The following MSH3 variants were observed in gnomAD, a reference collection of about 807,000 sequenced individuals.
MSH3 encodes mutS homolog 3.
A neutral mutation model predicts 123.3 loss-of-function variants in MSH3; 106 were observed. The ratio of observed to expected loss-of-function variants is 0.86; its 90% confidence interval spans 0.73 to 1.01. MSH3 has a LOEUF of 1.01. MSH3 is among the 50% of genes least tolerant of loss of function. The pLI is 0.00. For synonymous variants in MSH3, 515 were observed against 481.4 expected, an observed-to-expected ratio of 1.07 and a Z score of -0.91; for missense variants, 1,459 against 1,347.6, an observed-to-expected ratio of 1.08 and a Z score of -1.29.
At chr5:80,699,273 G>T (rs1750552886) in intron 8 of MSH3, among the ~76,000 whole-genome samples, 1 of 152,098 alleles carries the variant, frequency 6.6e-6, no homozygotes, top group South Asian at 2.1e-4. Flanking sequence ...AAGGGTTGTT[G>T]TAAGGCTGGG....
chr5:80,784,812 G>T (rs541220246), intron 17 of MSH3, among the ~76,000 whole-genome samples: 1 of 151,994 alleles, frequency 6.6e-6, no homozygotes, highest in Non-Finnish European at 1.5e-5. Flanking sequence ...TATTTGTTTT[G>T]ATGAACTTTA....
At chr5:80,873,001 A>C in intron 22 of MSH3, 115 bp from the exon 23 acceptor site, 1 of 939,606 alleles carries the variant, frequency 1.1e-6, no homozygotes, top group Non-Finnish European at 1.7e-6. Flanking sequence ...AAGTAGGAAC[A>C]GTGATTTCAG....
intron 8 of MSH3, among the ~76,000 whole-genome samples, chr5:80,719,248 G>C (rs1173067585): frequency 6.6e-6 from 1 of 151,856 alleles, no homozygotes; most frequent in Admixed American, 6.6e-5. Flanking sequence ...GGGTTTCATC[G>C]TGTTGGCCAG....
chr5:80,868,874 A>G (rs932718248), intron 22 of MSH3, among the ~76,000 whole-genome samples: 4 of 152,090 alleles, frequency 2.6e-5, no homozygotes, highest in Admixed American at 6.6e-5. Context: ...ATTTTGAAGC[A>G]GTGCTCCACT....
At chr5:80,858,904 G>C (rs1218773102) in intron 21 of MSH3, among the ~76,000 whole-genome samples, 1 of 151,968 alleles carries the variant, frequency 6.6e-6, no homozygotes, top group East Asian at 1.9e-4. Flanking sequence ...ATGCATACAT[G>C]TTAAGGATAT....
chr5:80,713,530 C>T (rs1750898014), intron 8 of MSH3, among the ~76,000 whole-genome samples: 2 of 152,240 alleles, frequency 1.3e-5, no homozygotes, highest in African/African-American at 4.8e-5. Context: ...TGTTCATGCT[C>T]CTCTCCATTC....
chr5:80,672,061 A>G (rs1179635886), intron 4 of MSH3, among the ~76,000 whole-genome samples, 183 bp from the exon 5 acceptor site: 2 of 152,184 alleles, frequency 1.3e-5, no homozygotes. Flanking sequence ...CCCAAAATAC[A>G]TTAAACCATA....
chr5:80,872,518 A>G (rs948116006), intron 22 of MSH3, among the ~76,000 whole-genome samples: 1 of 152,042 alleles, frequency 6.6e-6, no homozygotes, highest in Non-Finnish European at 1.5e-5. Flanking sequence ...TACTAAGATC[A>G]TTCTCATCCT....
At chr5:80,786,405 C>T (rs1428155613) in intron 17 of MSH3, among the ~76,000 whole-genome samples, 1 of 152,146 alleles carries the variant, frequency 6.6e-6, no homozygotes, top group Non-Finnish European at 1.5e-5. Flanking sequence ...TATGTAGTGG[C>T]TTCTTCGTAG....
chr5:80,875,053 T>C (rs1288418082), intron 23 of MSH3, among the ~76,000 whole-genome samples: 3 of 152,218 alleles, frequency 2.0e-5, no homozygotes, highest in African/African-American at 2.4e-5. Flanking sequence ...TGTTGGATGG[T>C]TACTGTGTGT....
chr5:80,685,109 T>C (rs991717473), intron 8 of MSH3, among the ~76,000 whole-genome samples: 8 of 152,108 alleles, frequency 5.3e-5, no homozygotes, highest in African/African-American at 1.4e-4. Flanking sequence ...TCAAGAGATA[T>C]TGGCCTCTAA....
chr5:80,839,713 C>A (rs762623945), intron 20 of MSH3, among the ~76,000 whole-genome samples: 3 of 152,240 alleles, frequency 2.0e-5, no homozygotes, highest in African/African-American at 4.8e-5. Context: ...TGATAGCCTT[C>A]TATATATATT....
At chr5:80,766,491 A>C (rs1430045610) in intron 13 of MSH3, among the ~76,000 whole-genome samples, 3 of 150,928 alleles carry the variant, frequency 2.0e-5, no homozygotes, top group Non-Finnish European at 4.4e-5. Context: ...ATCACAGGCG[A>C]GCGCCACCAC....
chr5:80,834,139 G>A (rs245382), intron 20 of MSH3, among the ~76,000 whole-genome samples: 130,125 of 151,636 alleles, frequency 0.86, 55,930 homozygotes, highest in East Asian at 1. Context: ...TACTACATCC[G>A]TACCATCAGG....
intron 3 of MSH3, among the ~76,000 whole-genome samples, chr5:80,668,706 A>T (rs1749625495): frequency 6.6e-6 from 1 of 151,902 alleles, no homozygotes; most frequent in Admixed American, 6.5e-5. Context: ...TGGGCCCTTG[A>T]GATTGCAGAG....
At chr5:80,681,582 A>C (rs965083587) in intron 8 of MSH3, among the ~76,000 whole-genome samples, 2 of 151,778 alleles carry the variant, frequency 1.3e-5, no homozygotes, top group African/African-American at 2.4e-5. Context: ...TGGATAAATT[A>C]TGATTTCCTG....
At chr5:80,839,800 C>G (rs998164008) in intron 20 of MSH3, among the ~76,000 whole-genome samples, 1 of 152,038 alleles carries the variant, frequency 6.6e-6, no homozygotes, top group Non-Finnish European at 1.5e-5. Context: ...GAAGCAGTGG[C>G]TGTCATGGTA....
chr5:80,864,666 A>G lies in MSH3; in HGVS notation c.3001-147A>G, dbSNP rs567459552. ...GTAAAATATTAACAATTGATTATCTAGGTAAACAGTATATAATAATTGGTC... is the reference window on the plus strand; with the variant it reads ...GTAAAATATTAACAATTGATTATCTGGGTAAACAGTATATAATAATTGGTC... On this transcript the variant is annotated intron_variant, in intron 21 of 23. Transcript: ENST00000265081. 5.5e-5 allele frequency: 36 copies of G among 654,224 alleles called. No homozygotes were observed. In the South Asian group the frequency reaches 6.3e-4, roughly 11 times the overall value. The allele number at this position is 654,224 out of a possible 1,614,324, so 40.5% of individuals were successfully genotyped here.
intron 1 of MSH3, 117 bp from the exon 2 acceptor site, chr5:80,656,294 T>C (rs1221762101): frequency 1.5e-6 from 2 of 1,355,414 alleles, no homozygotes; most frequent in Non-Finnish European, 2.1e-6. Flanking sequence ...AGAGGATTCT[T>C]TGAAGAGTGG....
Sources: gnomAD v4.1 joint callset for allele counts (sites outside exome capture counted in the v4.1 genomes callset) on GRCh38, gnomAD v4.1.1 for gene constraint, MANE v1.5 for transcripts, NCBI Gene and HGNC (gene_info 2026-07-23, HGNC 2026-07-21) for gene names.